The following ATP9B variants were observed in gnomAD, a reference collection of about 807,000 sequenced individuals.
ATP9B encodes ATPase phospholipid transporting 9B.
Under a neutral mutation model 146.1 loss-of-function variants are expected in ATP9B, and 110 were observed. That is an observed-to-expected ratio of 0.75 (90% CI 0.65 to 0.88). The LOEUF is 0.88. Among genes scored for constraint, ATP9B ranks in the 40% least tolerant of loss-of-function variants. The pLI, the probability that ATP9B is intolerant of heterozygous loss-of-function variation, is 0.00. For synonymous variants in ATP9B, 604 were observed against 569.7 expected (o/e 1.06, Z -0.86); for missense variants, 1,499 against 1,496.4 (o/e 1.00, Z -0.03).
intron 12 of ATP9B, among the ~76,000 whole-genome samples, chr18:79,274,941 G>T (rs886938239): frequency 6.6e-6 from 1 of 152,214 alleles, no homozygotes; most frequent in Non-Finnish European, 1.5e-5. Flanking sequence ...CCTCGTGATT[G>T]AGGAGCAGCG....
chr18:79,297,222 A>G (rs2096557635), intron 13 of ATP9B, among the ~76,000 whole-genome samples: 1 of 149,990 alleles, frequency 6.7e-6, no homozygotes, highest in African/African-American at 2.5e-5. Flanking sequence ...GAGAGAAGAC[A>G]GAGAGATGAC....
chr18:79,251,250 TG>T (rs1384855164), intron 11 of ATP9B, among the ~76,000 whole-genome samples: 4 of 152,224 alleles, frequency 2.6e-5, no homozygotes, highest in Admixed American at 6.5e-5. Flanking sequence ...ATCCCGTCTG[TG>T]TTGGTCATGG....
intron 9 of ATP9B, 87 bp from the exon 10 acceptor site, chr18:79,206,850 G>T: frequency 8.1e-7 from 1 of 1,239,582 alleles, no homozygotes; most frequent in Non-Finnish European, 1.2e-6. Context: ...TGAGCTTGTG[G>T]ACCTGTTTCT....
intron 17 of ATP9B, among the ~76,000 whole-genome samples, chr18:79,333,202 A>C (rs1339353149): frequency 6.6e-6 from 1 of 152,132 alleles, no homozygotes; most frequent in Non-Finnish European, 1.5e-5. Flanking sequence ...GTGGTTTCTC[A>C]GCACTTTTCC....
At position 79,366,418 on chromosome 18, in the gene ATP9B, G is replaced by A. The variant is rs149943975; in HGVS notation, c.3013-6407G>A. On this transcript the variant is annotated intron_variant, in intron 26 of 29. Transcript: ENST00000426216. ...GAAAGGCGTTTGACTGTGGTTCACT[G>A]TAAGGCTGAAGACAAAAAGAACTGC... Among the ~76,000 whole-genome samples, 367 of 152,358 alleles carry A rather than the reference G, an allele frequency of 2.4e-3. 1 individual carries two copies. The highest frequency in any genetic ancestry group is 6.4e-3 in the South Asian group (31 of 4,822).
intron 19 of ATP9B, among the ~76,000 whole-genome samples, 165 bp from the exon 20 acceptor site, chr18:79,342,103 T>C (rs915861188): frequency 6.6e-6 from 1 of 152,278 alleles, no homozygotes; most frequent in South Asian, 2.1e-4. Context: ...TTTTTAAGGC[T>C]GAATAATACT....
chr18:79,263,139 A>G (rs959323534), intron 12 of ATP9B, among the ~76,000 whole-genome samples: 1 of 152,204 alleles, frequency 6.6e-6, no homozygotes, highest in Admixed American at 6.5e-5. Context: ...GTTTTGGTAT[A>G]TGTATACAAT....
chr18:79,127,705 A>G (rs1464138217), intron 5 of ATP9B, among the ~76,000 whole-genome samples: 1 of 152,098 alleles, frequency 6.6e-6, no homozygotes. Context: ...TATTGTTTTC[A>G]TTTATCTTGG....
chr18:79,241,583 C>T (rs2095889572), intron 11 of ATP9B, among the ~76,000 whole-genome samples: 3 of 152,180 alleles, frequency 2.0e-5, no homozygotes, highest in African/African-American at 4.8e-5. Flanking sequence ...AAAGTTAGAA[C>T]CTGTTGACTG....
intron 11 of ATP9B, among the ~76,000 whole-genome samples, chr18:79,216,915 G>A (rs2095632082): frequency 6.6e-6 from 1 of 152,198 alleles, no homozygotes; most frequent in African/African-American, 2.4e-5. Context: ...TACATGCTGA[G>A]TCCTCCCCTC....
intron 8 of ATP9B, among the ~76,000 whole-genome samples, chr18:79,192,487 C>T (rs1035276811): frequency 6.6e-6 from 1 of 152,124 alleles, no homozygotes; most frequent in African/African-American, 2.4e-5. Context: ...ACTGGGGTGG[C>T]GTCCATTGGA....
rs1019229602 is a variant in ATP9B at position 79,264,433 on chromosome 18, T to G, written c.1268+10892T>G. ...TTTTAGATGCCAAGGCTTTCTCGGC[T>G]TATGTTTTGCTGATATCTTTCTCAA... On this transcript the variant is annotated intron_variant, in intron 12 of 29. Coordinates refer to ENST00000426216, the MANE Select transcript of ATP9B (RefSeq NM_198531.5). 2.6e-5 allele frequency among the ~76,000 whole-genome samples: 4 copies of G among 152,364 alleles called. No individual in the cohort carries two copies. The East Asian group carries it at 7.7e-4, about 29-fold the overall frequency.
intron 26 of ATP9B, chr18:79,372,567 A>G: frequency 1.6e-6 from 1 of 624,758 alleles, no homozygotes; most frequent in Non-Finnish European, 3.0e-6. Context: ...AGAGCCAACA[A>G]GACGGCAGGT....
chr18:79,105,889 T>G (rs1425740217), intron 2 of ATP9B, among the ~76,000 whole-genome samples: 1 of 152,222 alleles, frequency 6.6e-6, no homozygotes, highest in Non-Finnish European at 1.5e-5. Context: ...GTGTTGCTTT[T>G]AAATTGGTGA....
At chr18:79,340,131 C>T (rs1005439006) in intron 19 of ATP9B, 2 of 152,180 alleles carry the variant, frequency 1.3e-5, no homozygotes, top group African/African-American at 4.8e-5. Context: ...CTGCATTTCA[C>T]TGTAACTTTT....
At chr18:79,095,020 G>A (rs1322407451) in intron 1 of ATP9B, among the ~76,000 whole-genome samples, 2 of 152,116 alleles carry the variant, frequency 1.3e-5, no homozygotes, top group African/African-American at 4.8e-5. Flanking sequence ...CTGAATGACT[G>A]GGTTCCTGAG....
Position 79,113,332 on chromosome 18 carries a change from T to C in ATP9B, c.536T>C (p.Leu179Pro), listed in dbSNP as rs756569927. 1.8e-5 allele frequency: 29 copies of C among 1,579,032 alleles called. No homozygotes were observed. The East Asian group carries it at 6.5e-4, about 35-fold the overall frequency. ...GTACCAGCATTGAAAATAGGCTATC[T>C]CTACACCTACTGGGCTCCTCTGGTA... ...QFVPALKIGY[L>P]YTYWAPLGFV... The change falls in exon 4 of 30, where the codon CTC (leucine) becomes CCC (proline). Residue 179 changes from leucine (L) to proline (P), a missense_variant. Physicochemically the swap from Leu to Pro is moderately conservative, Grantham distance 98. Coordinates refer to ENST00000426216, the MANE Select transcript of ATP9B (RefSeq NM_198531.5).
At chr18:79,265,633 C>G (rs1170043234) in intron 12 of ATP9B, among the ~76,000 whole-genome samples, 2 of 152,038 alleles carry the variant, frequency 1.3e-5, no homozygotes, top group Non-Finnish European at 2.9e-5. Flanking sequence ...TTTTCTCCCA[C>G]TCTGTAGGTT....
intron 7 of ATP9B, among the ~76,000 whole-genome samples, chr18:79,168,378 GTT>G (rs57706892): frequency 2.8e-5 from 4 of 143,748 alleles, no homozygotes; most frequent in Admixed American, 7.0e-5. Flanking sequence ...TTTTGATTTT[GTT>G]TTTTTTTTTT....
Sources: gnomAD v4.1 joint callset for allele counts (sites outside exome capture counted in the v4.1 genomes callset) on GRCh38, gnomAD v4.1.1 for gene constraint, MANE v1.5 for transcripts, NCBI Gene and HGNC (gene_info 2026-07-23, HGNC 2026-07-21) for gene names.